The following SMAP1 variants were observed in gnomAD, a reference collection of about 807,000 sequenced individuals.
SMAP1 encodes stromal membrane-associated protein 1.
SMAP1 carries 24 observed loss-of-function variants against 58.5 expected under a neutral mutation model. That is an observed-to-expected ratio of 0.41 (90% CI 0.30 to 0.58). SMAP1 has a LOEUF of 0.58. SMAP1 is among the 20% of genes least tolerant of loss of function. The pLI is 0.29. For synonymous variants in SMAP1, 216 were observed against 196.6 expected, an observed-to-expected ratio of 1.10 and a Z score of -0.82; for missense variants, 563 against 566.3, an observed-to-expected ratio of 0.99 and a Z score of 0.06.
intron 1 of SMAP1, among the ~76,000 whole-genome samples, chr6:70,728,572 AG>A: frequency 6.6e-6 from 1 of 152,336 alleles, no homozygotes; most frequent in South Asian, 2.1e-4. Flanking sequence ...GTGATACAGA[AG>A]GTTATATAAG....
chr6:70,806,060 T>G (rs925714021), intron 6 of SMAP1, among the ~76,000 whole-genome samples: 2 of 152,222 alleles, frequency 1.3e-5, no homozygotes, highest in African/African-American at 4.8e-5. Flanking sequence ...ACAGGCACGT[T>G]TAAGTCTGCA....
intron 1 of SMAP1, among the ~76,000 whole-genome samples, chr6:70,705,492 T>G (rs1767802985): frequency 1.3e-5 from 2 of 152,114 alleles, no homozygotes; most frequent in South Asian, 4.2e-4. Context: ...ACTTAGGTGA[T>G]CCTCTGCCTC....
chr6:70,786,353 AT>A (rs1229669200), intron 4 of SMAP1, among the ~76,000 whole-genome samples: 1 of 145,164 alleles, frequency 6.9e-6, no homozygotes, highest in Non-Finnish European at 1.5e-5. Flanking sequence ...ATCATACTGA[AT>A]GGGCAAAAAC....
intron 2 of SMAP1, among the ~76,000 whole-genome samples, chr6:70,738,501 T>C (rs1353574545): frequency 1.3e-5 from 2 of 151,906 alleles, no homozygotes; most frequent in Non-Finnish European, 2.9e-5. Flanking sequence ...TATTGTAACC[T>C]AGTTATTCCT....
At chr6:70,716,454 C>T (rs1040539282) in intron 1 of SMAP1, among the ~76,000 whole-genome samples, 3 of 152,184 alleles carry the variant, frequency 2.0e-5, no homozygotes, top group African/African-American at 7.2e-5. Context: ...CACCACTCAC[C>T]TCCTGCTGTG....
At chr6:70,683,363 G>T (rs1766806153) in intron 1 of SMAP1, among the ~76,000 whole-genome samples, 1 of 151,324 alleles carries the variant, frequency 6.6e-6, no homozygotes. Flanking sequence ...TAGTAGACGG[G>T]GTTTCATCAT....
At chr6:70,773,011 A>G (rs935423509) in intron 3 of SMAP1, 1 of 242,264 alleles carries the variant, frequency 4.1e-6, no homozygotes, top group Non-Finnish European at 7.9e-6. Context: ...TTAATTTCTT[A>G]TACCAAAAAC....
chr6:70,731,789 T>A (rs994448794), intron 1 of SMAP1, among the ~76,000 whole-genome samples: 2 of 152,012 alleles, frequency 1.3e-5, no homozygotes, highest in Non-Finnish European at 2.9e-5. Context: ...TAGTTAAAAA[T>A]TTTTTTTTCC....
At chr6:70,788,488 A>G (rs1768182294) in intron 4 of SMAP1, among the ~76,000 whole-genome samples, 1 of 152,114 alleles carries the variant, frequency 6.6e-6, no homozygotes, top group Non-Finnish European at 1.5e-5. Flanking sequence ...AAACTTACAT[A>G]TTAGGGAAAT....
intron 2 of SMAP1, among the ~76,000 whole-genome samples, chr6:70,733,614 G>A (rs1279727553): frequency 6.6e-6 from 1 of 152,074 alleles, no homozygotes; most frequent in African/African-American, 2.4e-5. Flanking sequence ...GGACTCAAGC[G>A]ATTCTCCCAT....
intron 7 of SMAP1, among the ~76,000 whole-genome samples, chr6:70,838,724 G>A (rs1299073155): frequency 6.6e-6 from 1 of 151,948 alleles, no homozygotes; most frequent in Admixed American, 6.6e-5. Context: ...TAGTAACAGA[G>A]GAGACAAGGA....
chr6:70,700,846 G>A lies in SMAP1; in HGVS notation c.119-31532G>A, dbSNP rs184823779. Among the ~76,000 whole-genome samples, 241 of 152,320 alleles carry A rather than the reference G, an allele frequency of 1.6e-3. 1 individual carries two copies. The highest frequency in any genetic ancestry group is 5.6e-3 in the African/African-American group (231 of 41,572). On this transcript the variant is annotated intron_variant, in intron 1 of 10. Coordinates refer to ENST00000370455, the MANE Select transcript of SMAP1 (RefSeq NM_001044305.3). ...GACCCAAGGGCTCTTTAGTCAGCAG[G>A]TAATGGATCCTGCCAGAACTGTGTC...
At chr6:70,774,086 G>T (rs1268020533) in intron 4 of SMAP1, among the ~76,000 whole-genome samples, 1 of 152,154 alleles carries the variant, frequency 6.6e-6, no homozygotes, top group Non-Finnish European at 1.5e-5. Context: ...GTAACATGCA[G>T]TACAGGTTTG....
chr6:70,806,277 A>G (rs1019108480), intron 6 of SMAP1, among the ~76,000 whole-genome samples: 8 of 152,222 alleles, frequency 5.3e-5, no homozygotes, highest in African/African-American at 1.4e-4. Flanking sequence ...CTGCGCTAGT[A>G]GTGAGCAAGG....
chr6:70,751,444 A>G (rs1766272504), intron 2 of SMAP1, among the ~76,000 whole-genome samples: 1 of 152,076 alleles, frequency 6.6e-6, no homozygotes, highest in Non-Finnish European at 1.5e-5. Flanking sequence ...TTAAATCTTC[A>G]TTTTGAGATG....
At chr6:70,688,056 T>C (rs1038102950) in intron 1 of SMAP1, among the ~76,000 whole-genome samples, 2 of 152,104 alleles carry the variant, frequency 1.3e-5, no homozygotes, top group Admixed American at 6.5e-5. Flanking sequence ...AATAGAATCA[T>C]GCAATATGTA....
chr6:70,768,918 T>C (rs1449375767), intron 3 of SMAP1, among the ~76,000 whole-genome samples: 1 of 152,118 alleles, frequency 6.6e-6, no homozygotes, highest in Non-Finnish European at 1.5e-5. Context: ...ACACACTGCT[T>C]TGAATGTGTC....
chr6:70,817,907 A>C (rs1039475179), intron 6 of SMAP1, among the ~76,000 whole-genome samples: 15 of 152,136 alleles, frequency 9.9e-5, no homozygotes, highest in Non-Finnish European at 2.2e-4. Context: ...CAGATTTTGG[A>C]TTTGAAATTA....
intron 1 of SMAP1, among the ~76,000 whole-genome samples, chr6:70,684,436 A>T (rs1432396741): frequency 6.6e-6 from 1 of 152,228 alleles, no homozygotes; most frequent in Non-Finnish European, 1.5e-5. Context: ...GAAAGAAATT[A>T]TAGATTTGGC....
Sources: allele counts gnomAD v4.1 joint callset (sites outside exome capture counted in the v4.1 genomes callset), GRCh38; gene constraint gnomAD v4.1.1; transcripts MANE v1.5; gene names NCBI Gene and HGNC (gene_info 2026-07-23, HGNC 2026-07-21).